LMNTD1: variants seen among roughly 807,000 people sequenced by gnomAD.
LMNTD1 encodes lamin tail domain containing 1, also known as lamin tail domain-containing protein 1.
Under a neutral mutation model 50.9 loss-of-function variants are expected in LMNTD1, and 35 were observed. The ratio of observed to expected loss-of-function variants is 0.69; its 90% CI spans 0.53 to 0.91. The LOEUF (loss-of-function observed/expected upper bound fraction) is 0.91. Ranked by LOEUF, LMNTD1 falls within the 40% of genes least tolerant of loss-of-function variation. The pLI, the probability that LMNTD1 is intolerant of heterozygous loss-of-function variation, is 0.00. For missense variants in LMNTD1, 470 were observed against 475.5 expected (o/e 0.99, Z 0.11); for synonymous variants, 153 against 161.9 (o/e 0.94, Z 0.42).
intron 1 of LMNTD1, among the ~76,000 whole-genome samples, chr12:25,642,231 C>A (rs11836110): frequency 5.3e-5 from 8 of 152,152 alleles, no homozygotes; most frequent in Non-Finnish European, 1.2e-4. Flanking sequence ...CCCCAAAATT[C>A]ATCTGTTGAA....
intron 1 of LMNTD1, among the ~76,000 whole-genome samples, chr12:25,595,496 A>T (rs565100302): frequency 6.6e-6 from 1 of 152,316 alleles, no homozygotes; most frequent in Admixed American, 6.5e-5. Context: ...TCAAAAATGA[A>T]ATAAAGATGG....
chr12:25,628,087 G>C, intron 1 of LMNTD1, among the ~76,000 whole-genome samples: 1 of 128,388 alleles, frequency 7.8e-6, no homozygotes, highest in African/African-American at 3.1e-5. Flanking sequence ...CAGCCTGGGC[G>C]ACAGAGTGAA....
chr12:25,573,918 T>G (rs1250580249), intron 1 of LMNTD1, among the ~76,000 whole-genome samples: 2 of 152,118 alleles, frequency 1.3e-5, no homozygotes, highest in East Asian at 3.9e-4. Context: ...TAGATATCCC[T>G]CTAGGGAGAC....
chr12:25,559,333 A>G (rs1023360035), intron 1 of LMNTD1, among the ~76,000 whole-genome samples: 1 of 152,062 alleles, frequency 6.6e-6, no homozygotes, highest in Admixed American at 6.6e-5. Flanking sequence ...GCTCAGAATG[A>G]TGGTTTCCAG....
At chr12:25,568,256 C>A (rs190903367) in intron 1 of LMNTD1, among the ~76,000 whole-genome samples, 111 of 152,316 alleles carry the variant, frequency 7.3e-4, no homozygotes, top group African/African-American at 2.6e-3. Context: ...CTTAGAGTAT[C>A]TGTTGGAAGA....
chr12:25,556,408 A>G (rs1944045569), upstream of LMNTD1, among the ~76,000 whole-genome samples: 1 of 152,186 alleles, frequency 6.6e-6, no homozygotes, highest in Non-Finnish European at 1.5e-5. Context: ...CAGAGCCAAG[A>G]TTTAGTCTCA....
rs115002945 is a variant in LMNTD1, at chr12:25,513,079, G to C, written c.1189+5716C>G. Among the ~76,000 whole-genome samples the C allele has an allele frequency of 3.7e-3, 556 of 152,130 alleles. 4 individuals are homozygous for C. The highest frequency in any genetic ancestry group is 0.013 in the African/African-American group (541 of 41,472). On this transcript the variant is annotated intron_variant, in intron 8 of 9. Transcript: ENST00000458174. ...ATTATACTGAATAAAATTCCTAACC[G>C]CCTACATTGTAGAATTCAGAACATT... is the stretch of plus-strand genomic sequence containing the variant.
chr12:25,490,156 TC>T (rs112122315), intron 9 of LMNTD1, among the ~76,000 whole-genome samples: 11,005 of 152,230 alleles, frequency 0.072, 471 homozygotes, highest in Middle Eastern at 0.092. Flanking sequence ...CTCTAATCCC[TC>T]CTGTTTAAAA....
At chr12:25,623,553 C>CAAAAAA (rs57326398) in intron 1 of LMNTD1, among the ~76,000 whole-genome samples, 2 of 57,552 alleles carry the variant, frequency 3.5e-5, no homozygotes, top group East Asian at 6.7e-4. Flanking sequence ...GACTCTGTCT[C>CAAAAAA]AAAAAAAAAA....
At chr12:25,498,285 C>T (rs1337649504) in intron 9 of LMNTD1, among the ~76,000 whole-genome samples, 1 of 152,006 alleles carries the variant, frequency 6.6e-6, no homozygotes, top group Non-Finnish European at 1.5e-5. Context: ...TATTTTTGTT[C>T]CTTTGTCATT....
chr12:25,486,315 G>A (rs1466125739), intron 9 of LMNTD1, among the ~76,000 whole-genome samples: 2 of 150,504 alleles, frequency 1.3e-5, no homozygotes, highest in African/African-American at 4.9e-5. Context: ...TTTGTCTGTT[G>A]TTGGTGTATA....
chr12:25,519,089 T>C, intron 7 of LMNTD1, 122 bp from the exon 8 acceptor site: 1 of 869,576 alleles, frequency 1.1e-6, no homozygotes, highest in Non-Finnish European at 1.8e-6. Flanking sequence ...TTTTAAACTT[T>C]GTGGGCAGAA....
Position 25,566,032 on chromosome 12 carries a change from T to C in LMNTD1, c.59-19478A>G, listed in dbSNP as rs114125095. On this transcript the variant is annotated intron_variant, in intron 1 of 7. Transcript: ENST00000445693. ...GCTTTTAGAATTCTTTCTTTGTCCT[T>C]GATCTTTGGGAGTTTGATTATTAAA... Among the ~76,000 whole-genome samples, 297 of 152,324 alleles carry C rather than the reference T, an allele frequency of 1.9e-3. 1 individual carries two copies. Among genetic ancestry groups the C allele is most frequent in the African/African-American group, 7.0e-3 (290 of 41,574 alleles).
chr12:25,556,182 G>A (rs772613998), upstream of LMNTD1, among the ~76,000 whole-genome samples: 18 of 152,020 alleles, frequency 1.2e-4, no homozygotes, highest in African/African-American at 3.9e-4. Flanking sequence ...CATGTTGGCC[G>A]GGCTGGTCTT....
At chr12:25,648,575 T>C, upstream of LMNTD1, 1 of 1,547,426 alleles carries the variant, frequency 6.5e-7, no homozygotes, top group East Asian at 2.4e-5. Flanking sequence ...GCTTCTTCTG[T>C]TATGCTCAGC....
intron 4 of LMNTD1, among the ~76,000 whole-genome samples, chr12:25,542,016 A>G (rs1943114609): frequency 2.0e-5 from 3 of 152,040 alleles, no homozygotes; most frequent in African/African-American, 7.2e-5. Context: ...TCAAAACCAC[A>G]ATGAGATACC....
intron 1 of LMNTD1, among the ~76,000 whole-genome samples, chr12:25,597,530 T>G (rs915864991): frequency 1.3e-5 from 2 of 152,064 alleles, no homozygotes; most frequent in Admixed American, 6.6e-5. Context: ...AAGAGAGAGA[T>G]AGACTCCAAT....
chr12:25,535,338 C>T (rs1942509470), intron 4 of LMNTD1, among the ~76,000 whole-genome samples: 1 of 151,808 alleles, frequency 6.6e-6, no homozygotes, highest in East Asian at 1.9e-4. Context: ...CTTCAAGTGG[C>T]CTAATATATG....
chr12:25,644,313 C>CCAA (rs1348211864), intron 1 of LMNTD1, among the ~76,000 whole-genome samples: 1 of 82,098 alleles, frequency 1.2e-5, no homozygotes, highest in African/African-American at 4.8e-5. Flanking sequence ...CCTTTCTCTA[C>CCAA]AAAAAAAAAA....
Sources: allele counts gnomAD v4.1 joint callset (sites outside exome capture counted in the v4.1 genomes callset), GRCh38; gene constraint gnomAD v4.1.1; transcripts MANE v1.5; gene names NCBI Gene and HGNC (gene_info 2026-07-23, HGNC 2026-07-21).